The following LRMDA variants were observed in gnomAD, a reference collection of about 807,000 sequenced individuals.
The protein encoded by LRMDA is leucine rich melanocyte differentiation associated.
In LRMDA, 18 loss-of-function variants were observed where a neutral mutation model predicts 29.8. That is an observed-to-expected ratio of 0.60 (90% CI 0.42 to 0.90). The LOEUF is 0.90. LRMDA is among the 40% of genes least tolerant of loss of function. The pLI is 0.00. For synonymous variants in LRMDA, 125 were observed against 109.4 expected (o/e 1.14, Z -0.89); for missense variants, 273 against 273.9 (o/e 1.00, Z 0.02).
chr10:75,758,132 G>T (rs544449803), intron 2 of LRMDA, among the ~76,000 whole-genome samples: 1 of 152,200 alleles, frequency 6.6e-6, no homozygotes, highest in Non-Finnish European at 1.5e-5. Context: ...CCCTGGTGAG[G>T]CAGGTGAACC....
intron 2 of LRMDA, among the ~76,000 whole-genome samples, chr10:75,983,895 T>C (rs1361388274): frequency 6.6e-6 from 1 of 152,196 alleles, no homozygotes; most frequent in Non-Finnish European, 1.5e-5. Flanking sequence ...CCTCAAGTGG[T>C]CCACCTGCCT....
intron 5 of LRMDA, among the ~76,000 whole-genome samples, chr10:76,265,979 A>G (rs1170847552): frequency 6.6e-6 from 1 of 152,170 alleles, no homozygotes; most frequent in African/African-American, 2.4e-5. Flanking sequence ...ATGATTGCAT[A>G]GCTGTTAAGG....
At chr10:75,492,578 G>A (rs1314383544) in intron 2 of LRMDA, among the ~76,000 whole-genome samples, 1 of 152,176 alleles carries the variant, frequency 6.6e-6, no homozygotes, top group African/African-American at 2.4e-5. Context: ...TTAATTTTGA[G>A]CCTTATTCTC....
Position 75,625,868 on chromosome 10 carries a change from T to G in LRMDA, c.131+187374T>G, listed in dbSNP as rs956664432. Among the ~76,000 whole-genome samples the G allele has an allele frequency of 3.9e-5, 6 of 152,044 alleles. No homozygotes were observed. In the East Asian group the frequency reaches 7.7e-4, roughly 20 times the overall value. On this transcript the variant is annotated intron_variant, in intron 2 of 6. Coordinates refer to ENST00000611255, the MANE Select transcript of LRMDA (RefSeq NM_001305581.2). ...TTTTAAAGTGGAGAGAGTATTTTTTTTTTTTGAGGGTCTCACTCTGTCACC... is the reference window on the plus strand; with the variant it reads ...TTTTAAAGTGGAGAGAGTATTTTTTGTTTTTGAGGGTCTCACTCTGTCACC...
intron 5 of LRMDA, among the ~76,000 whole-genome samples, chr10:76,207,166 A>C (rs1342827477): frequency 1.4e-5 from 2 of 139,818 alleles, no homozygotes; most frequent in African/African-American, 5.6e-5. Flanking sequence ...AAACCCATGA[A>C]GGTGCTAACC....
chr10:76,001,182 G>A (rs150465659), intron 2 of LRMDA, among the ~76,000 whole-genome samples: 2 of 152,168 alleles, frequency 1.3e-5, no homozygotes, highest in East Asian at 1.9e-4. Context: ...TATGGCTTCC[G>A]GTTCCCCTGT....
At chr10:76,495,436 TGAGGAGAGA>T (rs2132339295) in intron 6 of LRMDA, among the ~76,000 whole-genome samples, 1 of 151,892 alleles carries the variant, frequency 6.6e-6, no homozygotes, top group East Asian at 1.9e-4. Context: ...ACCATGACAT[TGAGGAGAGA>T]GATTTCTCCC....
chr10:76,510,334 G>C (rs947341263), intron 6 of LRMDA, among the ~76,000 whole-genome samples: 2 of 152,160 alleles, frequency 1.3e-5, no homozygotes, highest in African/African-American at 4.8e-5. Flanking sequence ...GCCTCCCAAA[G>C]TGCTGGGATT....
In LRMDA at chr10:76,410,298, CTTTTTTTTTTTTTT is replaced by C. The variant is rs1172213249; in HGVS notation, c.601+85828_601+85841del. ...GAGGCTTGGAAAAATCACTTTCTTT[CTTTTTTTTTTTTTT>C]TTTTTTTTTTTTTTGAGATAGGGTC... On this transcript the variant is annotated intron_variant, in intron 6 of 6. Coordinates refer to ENST00000611255, the MANE Select transcript of LRMDA (RefSeq NM_001305581.2). Among the ~76,000 whole-genome samples the C allele has an allele frequency of 4.1e-3, 271 of 66,576 alleles. 1 individual carries two copies. Among genetic ancestry groups the C allele is most frequent in the Middle Eastern group, 0.017 (1 of 60 alleles). The allele number at this position is 66,576 out of a possible 152,430, so 43.7% of individuals were successfully genotyped here. A position where few individuals can be genotyped will look rare whatever the true frequency, so the allele number is the denominator to read the frequency against.
Position 76,250,880 on chromosome 10 carries a change from G to A in LRMDA, c.517-73521G>A, listed in dbSNP as rs569510842. ...AGCAAACCCTCTCTGCTATCAATCA[G>A]AGGGGTATTGGGGATGGCAAGGGCA... On this transcript the variant is annotated intron_variant, in intron 5 of 6. Coordinates refer to ENST00000611255, the MANE Select transcript of LRMDA (RefSeq NM_001305581.2). 7.2e-5 allele frequency among the ~76,000 whole-genome samples: 11 copies of A among 152,304 alleles called. No homozygotes were observed. The South Asian group carries it at 2.3e-3, about 32-fold the overall frequency.
chr10:76,087,345 C>A (rs1266460864), intron 5 of LRMDA, among the ~76,000 whole-genome samples: 1 of 152,184 alleles, frequency 6.6e-6, no homozygotes, highest in Non-Finnish European at 1.5e-5. Flanking sequence ...AGATTCTCTA[C>A]AAACAGAGTG....
intron 2 of LRMDA, among the ~76,000 whole-genome samples, chr10:75,927,913 T>A (rs1846145886): frequency 6.6e-6 from 1 of 152,290 alleles, no homozygotes; most frequent in South Asian, 2.1e-4. Flanking sequence ...CTCAGTGTCC[T>A]CATTGGTGGA....
chr10:76,494,032 T>C (rs1564557914), intron 6 of LRMDA, among the ~76,000 whole-genome samples: 1 of 152,092 alleles, frequency 6.6e-6, no homozygotes. Context: ...TTATGTTACT[T>C]ACATAAACTC....
intron 2 of LRMDA, among the ~76,000 whole-genome samples, chr10:75,661,101 C>T (rs903466609): frequency 1.6e-4 from 25 of 152,130 alleles, no homozygotes; most frequent in African/African-American, 5.3e-4. Flanking sequence ...AGCAGCCAGG[C>T]GGATCTTAAT....
chr10:76,082,186 A>T (rs1849059938), intron 5 of LRMDA, among the ~76,000 whole-genome samples: 1 of 152,196 alleles, frequency 6.6e-6, no homozygotes, highest in South Asian at 2.1e-4. Flanking sequence ...CAACTGTGGG[A>T]CTTGACTATG....
chr10:76,310,920 G>A (rs1178673034), intron 5 of LRMDA, among the ~76,000 whole-genome samples: 1 of 152,196 alleles, frequency 6.6e-6, no homozygotes, highest in Non-Finnish European at 1.5e-5. Context: ...AGGGAATCAG[G>A]AAGATTGGCT....
At chr10:75,534,476 A>C (rs1839920387) in intron 2 of LRMDA, among the ~76,000 whole-genome samples, 1 of 152,156 alleles carries the variant, frequency 6.6e-6, no homozygotes. Context: ...TTGTGGGTGC[A>C]TATATTTGGC....
intron 6 of LRMDA, among the ~76,000 whole-genome samples, chr10:76,412,566 G>A (rs114754169): frequency 7.2e-5 from 11 of 152,244 alleles, no homozygotes; most frequent in African/African-American, 2.6e-4. Flanking sequence ...TGAGATGATG[G>A]TGTATGACTC....
chr10:76,384,239 T>G (rs969988660), intron 6 of LRMDA, among the ~76,000 whole-genome samples: 1 of 152,230 alleles, frequency 6.6e-6, no homozygotes, highest in African/African-American at 2.4e-5. Context: ...CAACATCTTT[T>G]AGGTAGAATT....
Sources: allele counts gnomAD v4.1 joint callset (sites outside exome capture counted in the v4.1 genomes callset), GRCh38; gene constraint gnomAD v4.1.1; transcripts MANE v1.5; gene names NCBI Gene and HGNC (gene_info 2026-07-23, HGNC 2026-07-21).